Variants in CRKL observed in about 807,000 individuals in gnomAD.
The protein encoded by CRKL is crk-like protein.
In CRKL, 3 loss-of-function variants were observed where a neutral mutation model predicts 23.0. The observed-to-expected ratio is 0.13, with a 90% CI of 0.06 to 0.34. The LOEUF (loss-of-function observed/expected upper bound fraction) is 0.34, where lower values mean the gene tolerates loss of function less well. CRKL is among the 10% of genes least tolerant of loss of function. The pLI is 1.00. For missense variants in CRKL, 256 were observed against 394.5 expected, an observed-to-expected ratio of 0.65 and a Z score of 2.97; for synonymous variants, 188 against 160.7, an observed-to-expected ratio of 1.17 and a Z score of -1.28.
intron 1 of CRKL, among the ~76,000 whole-genome samples, chr22:20,920,660 C>CA (rs1174136221): frequency 6.6e-6 from 1 of 152,142 alleles, no homozygotes; most frequent in Non-Finnish European, 1.5e-5. Context: ...CCTCTTTCGT[C>CA]CTTCCTTTAC....
chr22:20,953,187 C>A lies in CRKL; in HGVS notation c.*3342C>A, dbSNP rs576884167. 63 of 231,722 alleles carry A rather than the reference C, an allele frequency of 2.7e-4. No homozygotes were observed. The highest frequency in any genetic ancestry group is 3.4e-4 in the Non-Finnish European group (40 of 116,916). The allele number at this position is 231,722 out of a possible 1,614,324, so 14.4% of individuals were successfully genotyped here. ...TTAACCTCTTAAACATGAATGAATT[C>A]TTGATTGTTTTAACACAGTACCTAA... On this transcript the variant is annotated 3_prime_UTR_variant, in exon 3 of 3. Transcript: ENST00000354336.
At position 20,951,752 on chromosome 22, in the gene CRKL, A is replaced by G. The variant is rs754429501; in HGVS notation, c.*1907A>G. On this transcript the variant is annotated 3_prime_UTR_variant, in exon 3 of 3. Coordinates refer to ENST00000354336, the MANE Select transcript of CRKL (RefSeq NM_005207.4). ...CAATTTTTCTTTAAATCAGTATTCC[A>G]TCAGGCAGATAACTGCTGTATTCAT... is the stretch of plus-strand genomic sequence containing the variant. 1.4e-5 allele frequency: 3 copies of G among 221,406 alleles called. No homozygotes were observed. Among genetic ancestry groups the G allele is most frequent in the Non-Finnish European group, 2.7e-5 (3 of 110,688 alleles). The allele number at this position is 221,406 out of a possible 1,614,324, so 13.7% of individuals were successfully genotyped here.
intron 2 of CRKL, among the ~76,000 whole-genome samples, chr22:20,939,355 C>G (rs1323878105): frequency 2.0e-5 from 3 of 150,672 alleles, no homozygotes; most frequent in African/African-American, 7.3e-5. Context: ...ATTCTCCTGC[C>G]TCAGCCTCCG....
rs1333559831 is a variant in CRKL, at chr22:20,952,337, C to G, written c.*2492C>G. On this transcript the variant is annotated 3_prime_UTR_variant, in exon 3 of 3. Coordinates refer to ENST00000354336, the MANE Select transcript of CRKL (RefSeq NM_005207.4). ...CAGAATCAGATATACCTAGAGTATA[C>G]CTGTGGTTTGGTTTTATAATTAATC... is the stretch of plus-strand genomic sequence containing the variant. The G allele has an allele frequency of 4.4e-6, 1 of 229,554 alleles. No homozygotes were observed. Among genetic ancestry groups the G allele is most frequent in the Non-Finnish European group, 8.6e-6 (1 of 115,788 alleles). The allele number at this position is 229,554 out of a possible 1,614,324, so 14.2% of individuals were successfully genotyped here.
rs1395013800 is a variant in CRKL at position 20,949,857 on chromosome 22, C to G, written c.*12C>G. On this transcript the variant is annotated 3_prime_UTR_variant, in exon 3 of 3. Coordinates refer to ENST00000354336, the MANE Select transcript of CRKL (RefSeq NM_005207.4). Reference sequence around the variant, plus strand: ...ATGAAAACGAGTGATTGCTGTTGCCCTGTTTCCTGCTGCTTTGTTGTTCTG... The same window carrying G: ...ATGAAAACGAGTGATTGCTGTTGCCGTGTTTCCTGCTGCTTTGTTGTTCTG... 1 of 1,598,770 alleles carries G rather than the reference C, an allele frequency of 6.3e-7. No homozygotes were observed. Among genetic ancestry groups the G allele is most frequent in the South Asian group, 1.1e-5 (1 of 88,368 alleles).
At chr22:20,943,353 C>T (rs1297884949) in intron 2 of CRKL, among the ~76,000 whole-genome samples, 1 of 152,154 alleles carries the variant, frequency 6.6e-6, no homozygotes, top group Non-Finnish European at 1.5e-5. Context: ...AATTCTCCTG[C>T]CTCAGCCTCC....
rs577979609 is a variant in CRKL, at chr22:20,929,225, C to T, written c.312-4554C>T. Among the ~76,000 whole-genome samples, 14 of 152,166 alleles carry T rather than the reference C, an allele frequency of 9.2e-5. No homozygotes were observed. The South Asian group carries it at 1.0e-3, about 11-fold the overall frequency. On this transcript the variant is annotated intron_variant, in intron 1 of 2. Transcript: ENST00000354336. ...TGTTACCCAGACTGGAGTGCAGTGG[C>T]GCGATCTCGGCTCACTGCAAGCTCT...
At chr22:20,934,821 T>C (rs1040729480) in intron 2 of CRKL, among the ~76,000 whole-genome samples, 1 of 142,238 alleles carries the variant, frequency 7.0e-6, no homozygotes, top group African/African-American at 2.6e-5. Flanking sequence ...TTTTTTTTTT[T>C]TTTTTTTTTT....
At chr22:20,944,881 C>CTT (rs553010493) in intron 2 of CRKL, among the ~76,000 whole-genome samples, 2 of 150,384 alleles carry the variant, frequency 1.3e-5, no homozygotes, top group African/African-American at 4.9e-5. Context: ...GCCCAGCTAA[C>CTT]TTTTTTTTGT....
Position 20,933,902 on chromosome 22 carries a change from A to G in CRKL, c.435A>G (p.Lys145=). 6.2e-7 allele frequency: 1 copy of G among 1,614,196 alleles called. No individual in the cohort carries two copies. The highest frequency in any genetic ancestry group is 8.5e-7 in the Non-Finnish European group (1 of 1,180,038). ...PGNDAEDLPF[K]KGEILVIIEK... ...ATGATGCCGAAGACCTGCCCTTTAA[A>G]AAGGGTGAGATCCTAGTGATAATAG... Residue 145 remains lysine, a synonymous_variant, in exon 2 of 3, where the codon AAA becomes AAG. Transcript: ENST00000354336.
rs1158610281 is a variant in CRKL at position 20,951,619 on chromosome 22, T to G, written c.*1774T>G. 3 of 225,230 alleles carry G rather than the reference T, an allele frequency of 1.3e-5. No homozygotes were observed. The highest frequency in any genetic ancestry group is 1.3e-4 in the East Asian group (2 of 15,584). 14.0% of individuals were successfully genotyped at this position (225,230 alleles called of 1,614,324 possible). Reference sequence around the variant, plus strand: ...TGTAGCAGCAGCCTACTGAGTAGCTTTCATTTACTGATCATCTGCTGTGAC... The same window carrying G: ...TGTAGCAGCAGCCTACTGAGTAGCTGTCATTTACTGATCATCTGCTGTGAC... On this transcript the variant is annotated 3_prime_UTR_variant, in exon 3 of 3. Transcript: ENST00000354336.
chr22:20,946,986 T>A (rs1051686994), intron 2 of CRKL, among the ~76,000 whole-genome samples: 3 of 152,150 alleles, frequency 2.0e-5, no homozygotes, highest in African/African-American at 7.2e-5. Flanking sequence ...TGTGTTGAGA[T>A]AGAAAACAGC....
In CRKL at chr22:20,950,395, T is replaced by TTTTTG; in HGVS notation, c.*564_*568dup. 8.6e-6 allele frequency: 2 copies of TTTTTG among 232,920 alleles called. No homozygotes were observed. The highest frequency in any genetic ancestry group is 1.7e-5 in the Non-Finnish European group (2 of 118,064). 14.4% of individuals were successfully genotyped at this position (232,920 alleles called of 1,614,324 possible). Reference sequence around the variant, plus strand: ...TTAATTAGACTTGTGTGGGGGTTTTTTTTTGTTTTGTTTTGTTTGTTTTGT... The same window carrying TTTTTG: ...TTAATTAGACTTGTGTGGGGGTTTTTTTTTGTTTTGTTTTGTTTTGTTTGTTTTGT... On this transcript the variant is annotated 3_prime_UTR_variant, in exon 3 of 3. Coordinates refer to ENST00000354336, the MANE Select transcript of CRKL (RefSeq NM_005207.4).
intron 2 of CRKL, among the ~76,000 whole-genome samples, chr22:20,946,541 G>A (rs192672093): frequency 2.6e-5 from 4 of 152,256 alleles, no homozygotes; most frequent in African/African-American, 7.2e-5. Context: ...CATTAGGTAT[G>A]TGCTTCCTCT....
chr22:20,933,645 G>C lies in CRKL; in HGVS notation c.312-134G>C, dbSNP rs547547776. 13 of 748,890 alleles carry C rather than the reference G, an allele frequency of 1.7e-5. No homozygotes were observed. In the South Asian group the frequency reaches 2.6e-4, roughly 15 times the overall value. 46.4% of individuals were successfully genotyped at this position (748,890 alleles called of 1,614,324 possible). A position where few individuals can be genotyped will look rare whatever the true frequency, so the allele number is the denominator to read the frequency against. The stretch of plus-strand genomic sequence containing the variant: ...ATCACGCTATTGCACTCCAGCCTGG[G>C]CGACAAGAGCAAAACTTGTCTCATA... On this transcript the variant is annotated intron_variant, in intron 1 of 2. Transcript: ENST00000354336.
At chr22:20,927,383 G>A (rs1921259414) in intron 1 of CRKL, among the ~76,000 whole-genome samples, 1 of 149,256 alleles carries the variant, frequency 6.7e-6, no homozygotes, top group Non-Finnish European at 1.5e-5. Flanking sequence ...TAGAGATGGG[G>A]TTTCACCATA....
In CRKL at chr22:20,917,481, A is replaced by T; in HGVS notation, c.-454A>T. The T allele has an allele frequency of 4.3e-6, 1 of 235,198 alleles. No homozygotes were observed. Among genetic ancestry groups the T allele is most frequent in the Non-Finnish European group, 8.4e-6 (1 of 119,692 alleles). 14.6% of individuals were successfully genotyped at this position (235,198 alleles called of 1,614,324 possible). On this transcript the variant is annotated 5_prime_UTR_variant, in exon 1 of 3. Transcript: ENST00000354336. ...CGTCCGCCATTTTGTTGCTGTGGCT[A>T]TTGGGAACAAGCTGGGCAAAAGCAC...
intron 2 of CRKL, among the ~76,000 whole-genome samples, chr22:20,945,662 G>A (rs1922031155): frequency 6.6e-6 from 1 of 152,212 alleles, no homozygotes; most frequent in Admixed American, 6.5e-5. Flanking sequence ...TTGACTGCTA[G>A]CCAGGGCACA....
chr22:20,939,659 G>C (rs1921791607), intron 2 of CRKL, among the ~76,000 whole-genome samples: 1 of 140,646 alleles, frequency 7.1e-6, no homozygotes, highest in African/African-American at 2.6e-5. Context: ...TCCCCTTCTT[G>C]TGTTTGCCTA....
Sources: allele counts gnomAD v4.1 joint callset (sites outside exome capture counted in the v4.1 genomes callset), GRCh38; gene constraint gnomAD v4.1.1; transcripts MANE v1.5; gene names NCBI Gene and HGNC (gene_info 2026-07-23, HGNC 2026-07-21).